PCCA: variants seen among roughly 807,000 people sequenced by gnomAD.
The protein encoded by PCCA is propionyl-CoA carboxylase subunit alpha, also known as propionyl-CoA carboxylase alpha chain, mitochondrial.
PCCA carries 74 observed loss-of-function variants against 101.3 expected under a neutral mutation model. That is an observed-to-expected ratio of 0.73 (90% CI 0.61 to 0.89). The LOEUF is 0.89. PCCA is among the 40% of genes least tolerant of loss of function. The pLI, the probability that PCCA is intolerant of heterozygous loss-of-function variation, is 0.00. For missense variants in PCCA, 891 were observed against 907.0 expected, an observed-to-expected ratio of 0.98 and a Z score of 0.23; for synonymous variants, 294 against 313.6, an observed-to-expected ratio of 0.94 and a Z score of 0.66.
intron 18 of PCCA, among the ~76,000 whole-genome samples, chr13:100,349,048 T>C (rs911511086): frequency 4.6e-5 from 7 of 152,118 alleles, no homozygotes; most frequent in Admixed American, 2.0e-4. Context: ...GCTCAAGCAG[T>C]TCTCCTGCCT....
At chr13:100,483,475 T>C (rs1327928490) in intron 21 of PCCA, among the ~76,000 whole-genome samples, 1 of 152,220 alleles carries the variant, frequency 6.6e-6, no homozygotes, top group Non-Finnish European at 1.5e-5. Flanking sequence ...TTGTGCTGGC[T>C]CATTGGGAGT....
intron 19 of PCCA, among the ~76,000 whole-genome samples, chr13:100,409,831 G>A (rs779711945): frequency 6.6e-6 from 1 of 152,150 alleles, no homozygotes; most frequent in Admixed American, 6.5e-5. Flanking sequence ...GCAATGACAT[G>A]ATCTCAGCTC....
intron 20 of PCCA, among the ~76,000 whole-genome samples, chr13:100,427,442 G>A (rs2079231471): frequency 6.6e-6 from 1 of 152,182 alleles, no homozygotes; most frequent in Non-Finnish European, 1.5e-5. Context: ...GCAGATAGTT[G>A]TCTTGATGGC....
chr13:100,426,198 G>A lies in PCCA; in HGVS notation c.1845+467G>A, dbSNP rs367963509. Among the ~76,000 whole-genome samples the A allele has an allele frequency of 1.6e-3, 241 of 151,778 alleles. 2 individuals carry two copies. The highest frequency in any genetic ancestry group is 5.5e-3 in the African/African-American group (227 of 41,402). ...TCTTAACTTATTAATCTTTCTTTTCGCCTCAATATAAAATGTCCTGCCTTG... is the reference window on the plus strand; with the variant it reads ...TCTTAACTTATTAATCTTTCTTTTCACCTCAATATAAAATGTCCTGCCTTG... On this transcript the variant is annotated intron_variant, in intron 20 of 23. Transcript: ENST00000376285.
intron 20 of PCCA, among the ~76,000 whole-genome samples, chr13:100,441,434 G>A (rs1251122902): frequency 6.6e-6 from 1 of 152,092 alleles, no homozygotes; most frequent in Non-Finnish European, 1.5e-5. Context: ...TATTATCCTA[G>A]GAAGGTATTT....
At chr13:100,337,303 C>A (rs1166452069) in intron 17 of PCCA, among the ~76,000 whole-genome samples, 6 of 152,178 alleles carry the variant, frequency 3.9e-5, no homozygotes, top group Non-Finnish European at 8.8e-5. Context: ...TTCACCTTAG[C>A]TTACTAGCCC....
intron 22 of PCCA, among the ~76,000 whole-genome samples, chr13:100,520,591 C>T (rs2087184477): frequency 7.1e-6 from 1 of 141,736 alleles, no homozygotes; most frequent in African/African-American, 2.6e-5. Flanking sequence ...GCGGAGATCG[C>T]GCCACAGCAC....
intron 20 of PCCA, among the ~76,000 whole-genome samples, chr13:100,442,071 G>T (rs963731374): frequency 6.7e-6 from 1 of 149,030 alleles, no homozygotes; most frequent in Non-Finnish European, 1.5e-5. Context: ...TCAGCTCACT[G>T]CAACCTCCGC....
intron 7 of PCCA, among the ~76,000 whole-genome samples, chr13:100,233,764 A>G (rs888167601): frequency 1.3e-5 from 2 of 152,220 alleles, no homozygotes; most frequent in Non-Finnish European, 2.9e-5. Context: ...TTGAAAGTTC[A>G]TTTAGAAGAA....
intron 4 of PCCA, among the ~76,000 whole-genome samples, chr13:100,136,958 T>A (rs2051257292): frequency 6.6e-6 from 1 of 152,010 alleles, no homozygotes; most frequent in Non-Finnish European, 1.5e-5. Context: ...CTTTTTCTGG[T>A]TTGTAAGGTA....
At chr13:100,452,003 C>T (rs2081338073) in intron 21 of PCCA, among the ~76,000 whole-genome samples, 1 of 131,648 alleles carries the variant, frequency 7.6e-6, no homozygotes, top group Admixed American at 7.5e-5. Context: ...CCCTCTCTCT[C>T]TCCTCTCCCT....
chr13:100,352,630 G>A (rs1339571607), intron 18 of PCCA, among the ~76,000 whole-genome samples: 2 of 152,044 alleles, frequency 1.3e-5, no homozygotes, highest in Non-Finnish European at 2.9e-5. Flanking sequence ...CTGGGCTCAA[G>A]TGATCCTCCC....
chr13:100,272,927 A>G (rs1015632538), intron 11 of PCCA, among the ~76,000 whole-genome samples: 18 of 152,236 alleles, frequency 1.2e-4, no homozygotes, highest in African/African-American at 4.1e-4. Flanking sequence ...GAGTAGTTAT[A>G]TATTTTGTGA....
chr13:100,232,516 G>A (rs1337674395), intron 7 of PCCA, among the ~76,000 whole-genome samples: 3 of 152,042 alleles, frequency 2.0e-5, no homozygotes, highest in Non-Finnish European at 4.4e-5. Flanking sequence ...AAGTAGCTGG[G>A]ACTACAGGTC....
chr13:100,280,358 C>T (rs181476560), intron 12 of PCCA, among the ~76,000 whole-genome samples: 43 of 151,854 alleles, frequency 2.8e-4, no homozygotes, highest in Non-Finnish European at 5.3e-4. Context: ...TTGCCAGTGC[C>T]GATCTCTGTG....
chr13:100,345,063 T>TC lies in PCCA; in HGVS notation c.1643+4805dup, dbSNP rs575875316. ...CCCAGTGTCTCTCACTCTCCTTGGGTCTCCCTATTCCCTGAGATAAAGTAA... is the reference window on the plus strand; with the variant it reads ...CCCAGTGTCTCTCACTCTCCTTGGGTCCTCCCTATTCCCTGAGATAAAGTAA... On this transcript the variant is annotated intron_variant, in intron 18 of 23. Transcript: ENST00000376285. Among the ~76,000 whole-genome samples the TC allele has an allele frequency of 9.8e-4, 150 of 152,288 alleles. 4 individuals carry two copies. In the South Asian group the frequency reaches 0.028, roughly 29 times the overall value.
At chr13:100,481,981 T>C (rs2083980161) in intron 21 of PCCA, among the ~76,000 whole-genome samples, 2 of 152,254 alleles carry the variant, frequency 1.3e-5, no homozygotes, top group African/African-American at 4.8e-5. Context: ...ACATCGTTGC[T>C]TTAATTCCTA....
intron 17 of PCCA, among the ~76,000 whole-genome samples, chr13:100,332,816 C>A (rs1023375598): frequency 1.3e-5 from 2 of 152,046 alleles, no homozygotes; most frequent in Non-Finnish European, 2.9e-5. Flanking sequence ...ATGCTTAGAC[C>A]AATTTTTAAA....
chr13:100,397,491 GA>G (rs140791854), intron 19 of PCCA, among the ~76,000 whole-genome samples: 4,825 of 152,034 alleles, frequency 0.032, 254 homozygotes, highest in African/African-American at 0.11. Flanking sequence ...TATAGTTGGG[GA>G]AAAAAACCCA....
Sources: gnomAD v4.1 joint callset for allele counts (sites outside exome capture counted in the v4.1 genomes callset) on GRCh38, gnomAD v4.1.1 for gene constraint, MANE v1.5 for transcripts, NCBI Gene and HGNC (gene_info 2026-07-23, HGNC 2026-07-21) for gene names.